PPP2R2B: variants seen among roughly 807,000 people sequenced by gnomAD.
The protein encoded by PPP2R2B is protein phosphatase 2 regulatory subunit Bbeta.
A neutral mutation model predicts 46.0 loss-of-function variants in PPP2R2B; 5 were observed. The ratio of observed to expected loss-of-function variants is 0.11; its 90% CI spans 0.06 to 0.23. The LOEUF (loss-of-function observed/expected upper bound fraction) is 0.23. Among genes scored for constraint, PPP2R2B ranks in the 10% least tolerant of loss-of-function variants. PPP2R2B has a pLI of 1.00. For missense variants in PPP2R2B, 367 were observed against 575.0 expected, an observed-to-expected ratio of 0.64 and a Z score of 3.70; for synonymous variants, 215 against 206.7, an observed-to-expected ratio of 1.04 and a Z score of -0.34.
intron 1 of PPP2R2B, among the ~76,000 whole-genome samples, chr5:146,992,447 G>A (rs1753735015): frequency 6.6e-6 from 1 of 152,208 alleles, no homozygotes. Context: ...CTCTTTGTAT[G>A]GAAGGAGTAT....
intron 5 of PPP2R2B, among the ~76,000 whole-genome samples, chr5:146,662,302 A>C (rs1776721106): frequency 6.6e-6 from 1 of 152,226 alleles, no homozygotes; most frequent in Non-Finnish European, 1.5e-5. Context: ...ATGGCCTTTC[A>C]TAGATATCCA....
At chr5:146,776,782 A>T (rs1324305746) in intron 2 of PPP2R2B, among the ~76,000 whole-genome samples, 1 of 152,070 alleles carries the variant, frequency 6.6e-6, no homozygotes, top group Non-Finnish European at 1.5e-5. Flanking sequence ...TAAAAAAATA[A>T]CTCTTATAAC....
At chr5:146,912,598 G>C (rs1763230090) in intron 1 of PPP2R2B, among the ~76,000 whole-genome samples, 1 of 150,946 alleles carries the variant, frequency 6.6e-6, no homozygotes, top group African/African-American at 2.4e-5. Context: ...ACCACAACCT[G>C]GGTTCAAGCA....
intron 1 of PPP2R2B, among the ~76,000 whole-genome samples, chr5:146,954,785 T>TGTGC (rs1554079884): frequency 6.6e-6 from 1 of 151,754 alleles, no homozygotes; most frequent in Non-Finnish European, 1.5e-5. Context: ...TGTGTGTGTG[T>TGTGC]GTGTTGAGTT....
chr5:146,759,042 C>T (rs2151249441), intron 2 of PPP2R2B, among the ~76,000 whole-genome samples: 2 of 152,214 alleles, frequency 1.3e-5, no homozygotes, highest in Middle Eastern at 6.8e-3. Flanking sequence ...TATTTGAAAA[C>T]TTTTAATTAG....
chr5:146,832,145 TAA>T (rs933312267), intron 2 of PPP2R2B, among the ~76,000 whole-genome samples: 1 of 152,168 alleles, frequency 6.6e-6, no homozygotes, highest in Non-Finnish European at 1.5e-5. Context: ...TTAAAAAAAT[TAA>T]AAAGTTTATA....
intron 9 of PPP2R2B, among the ~76,000 whole-genome samples, chr5:146,591,555 A>G (rs1335617319): frequency 6.6e-6 from 1 of 151,794 alleles, no homozygotes; most frequent in African/African-American, 2.4e-5. Flanking sequence ...TCAAACCCAC[A>G]TATGGTTGAC....
intron 7 of PPP2R2B, 29 bp from the exon 8 acceptor site, chr5:146,600,489 T>C: frequency 6.2e-7 from 1 of 1,609,798 alleles, no homozygotes; most frequent in Non-Finnish European, 8.5e-7. Flanking sequence ...ACAAGACAAA[T>C]TTAGCAATCC....
intron 7 of PPP2R2B, among the ~76,000 whole-genome samples, chr5:146,624,418 T>C (rs1340867454): frequency 6.6e-6 from 1 of 151,214 alleles, no homozygotes; most frequent in Non-Finnish European, 1.5e-5. Flanking sequence ...CCTCTACATC[T>C]TTTTTTTAAA....
chr5:146,723,563 G>A (rs1283583379), intron 2 of PPP2R2B, among the ~76,000 whole-genome samples: 2 of 152,132 alleles, frequency 1.3e-5, no homozygotes, highest in African/African-American at 4.8e-5. Flanking sequence ...GCTCGTTATT[G>A]TGAGTAATTA....
chr5:147,036,700 A>C (rs1756054930), intron 1 of PPP2R2B, among the ~76,000 whole-genome samples: 1 of 152,256 alleles, frequency 6.6e-6, no homozygotes, highest in South Asian at 2.1e-4. Flanking sequence ...CTTTTTAATA[A>C]TAGCCATTCT....
chr5:146,941,484 G>A (rs529664673), intron 1 of PPP2R2B, among the ~76,000 whole-genome samples: 31 of 152,186 alleles, frequency 2.0e-4, no homozygotes, highest in South Asian at 1.2e-3. Context: ...AGTCTTTGGG[G>A]CCCTTGAAAA....
At chr5:146,804,687 T>G (rs1289389114) in intron 2 of PPP2R2B, among the ~76,000 whole-genome samples, 1 of 152,124 alleles carries the variant, frequency 6.6e-6, no homozygotes, top group Non-Finnish European at 1.5e-5. Context: ...AGACTGTGGA[T>G]TTTCTGATAT....
intron 1 of PPP2R2B, among the ~76,000 whole-genome samples, chr5:147,019,824 C>A (rs983036179): frequency 2.0e-5 from 3 of 152,116 alleles, no homozygotes; most frequent in Admixed American, 6.6e-5. Flanking sequence ...CCTAGAGAAG[C>A]CTTTCTCAGC....
At chr5:146,695,447 T>G (rs1779124413) in intron 4 of PPP2R2B, among the ~76,000 whole-genome samples, 1 of 152,136 alleles carries the variant, frequency 6.6e-6, no homozygotes, top group South Asian at 2.1e-4. Context: ...CAATTGAATG[T>G]TGGTTTTATT....
intron 1 of PPP2R2B, among the ~76,000 whole-genome samples, chr5:147,051,537 T>C (rs1192365785): frequency 1.3e-5 from 2 of 152,072 alleles, no homozygotes; most frequent in Admixed American, 6.6e-5. Flanking sequence ...GGGTAGAGAA[T>C]AGCAGCATGG....
At chr5:146,783,694 A>C (rs1755671735) in intron 2 of PPP2R2B, among the ~76,000 whole-genome samples, 1 of 152,224 alleles carries the variant, frequency 6.6e-6, no homozygotes, top group Non-Finnish European at 1.5e-5. Flanking sequence ...CAACAGATAC[A>C]AGATTGCAGA....
At chr5:146,797,904 T>C (rs1756639200) in intron 2 of PPP2R2B, among the ~76,000 whole-genome samples, 1 of 152,176 alleles carries the variant, frequency 6.6e-6, no homozygotes, top group Non-Finnish European at 1.5e-5. Context: ...GGCAGGGAGC[T>C]GTGCAGCCAC....
chr5:146,688,460 A>C (rs1417813942), intron 5 of PPP2R2B, among the ~76,000 whole-genome samples: 1 of 151,776 alleles, frequency 6.6e-6, no homozygotes, highest in Non-Finnish European at 1.5e-5. Flanking sequence ...GGTCTCAGGA[A>C]TTTACATTTC....
Sources: allele counts gnomAD v4.1 joint callset (sites outside exome capture counted in the v4.1 genomes callset), GRCh38; gene constraint gnomAD v4.1.1; transcripts MANE v1.5; gene names NCBI Gene and HGNC (gene_info 2026-07-23, HGNC 2026-07-21).